MIGA2: variants seen among roughly 807,000 people sequenced by gnomAD.
MIGA2 encodes family with sequence similarity 73, member B.
MIGA2 carries 36 observed loss-of-function variants against 69.9 expected under a neutral mutation model. The observed-to-expected ratio is 0.52, with a 90% confidence interval of 0.39 to 0.68. MIGA2 has a LOEUF of 0.68. MIGA2 is among the 30% of genes least tolerant of loss of function. MIGA2 has a pLI of 0.00. For missense variants in MIGA2, 660 were observed against 787.7 expected (o/e 0.84, Z 1.94); for synonymous variants, 333 against 349.2 (o/e 0.95, Z 0.52).
Position 129,068,420 on chromosome 9 carries a change from G to A in MIGA2, c.1404+88G>A. The A allele has an allele frequency of 6.5e-7, 1 of 1,548,858 alleles. No homozygotes were observed. The highest frequency in any genetic ancestry group is 8.7e-7 in the Non-Finnish European group (1 of 1,148,182). On this transcript the variant is annotated intron_variant, in intron 13 of 15. Coordinates refer to ENST00000684074, the MANE Select transcript of MIGA2 (RefSeq NM_001329990.2). The surrounding 1 kb of genome is among the most constrained non-coding windows in gnomAD (Gnocchi z 4.1). ...TCCGTCCCCTCTGTCCCTAGCACTG[G>A]CACCAGGGCTGGGCCCCCACCCCCT...
intron 3 of MIGA2, among the ~76,000 whole-genome samples, chr9:129,043,395 T>TC (rs1845028685): frequency 2.7e-5 from 4 of 149,346 alleles, no homozygotes; most frequent in African/African-American, 9.8e-5. Flanking sequence ...TTTTTTTTTT[T>TC]TTTTTTTTTG....
intron 1 of MIGA2, chr9:129,036,963 C>T: frequency 2.0e-6 from 2 of 1,003,050 alleles, no homozygotes; most frequent in Non-Finnish European, 2.4e-6. Flanking sequence ...GGGAGAGCAC[C>T]CGGGATGGAA....
At chr9:129,045,894 G>A (rs369442827) in intron 3 of MIGA2, among the ~76,000 whole-genome samples, 12 of 147,884 alleles carry the variant, frequency 8.1e-5, no homozygotes, top group East Asian at 3.9e-4. Flanking sequence ...TTGCTCTGTC[G>A]CCAGGCTGGA....
chr9:129,049,232 G>T (rs1845391541), intron 4 of MIGA2, 149 bp from the exon 5 acceptor site: 6 of 698,190 alleles, frequency 8.6e-6, no homozygotes, highest in South Asian at 1.7e-5. Context: ...CATTCTGAGG[G>T]TGTGGACGCT....
At chr9:129,063,655 G>GGGGGGGGGGGGGCCCC in intron 11 of MIGA2, 24 bp downstream of exon 11, 1 of 645,736 alleles carries the variant, frequency 1.5e-6, no homozygotes, top group Non-Finnish European at 2.9e-6. Flanking sequence ...GGGTGGGGGG[G>GGGGGGGGGGGGGCCCC]CAAATTATAA....
intron 3 of MIGA2, among the ~76,000 whole-genome samples, chr9:129,044,505 A>G (rs950683176): frequency 2.6e-5 from 4 of 151,996 alleles, no homozygotes; most frequent in African/African-American, 9.7e-5. Context: ...TGTTTGCTGC[A>G]TTGAAGTGTT....
chr9:129,051,578 T>C (rs1845542936), intron 6 of MIGA2, among the ~76,000 whole-genome samples: 1 of 150,736 alleles, frequency 6.6e-6, no homozygotes, highest in South Asian at 2.1e-4. Flanking sequence ...GCCTGGCTTA[T>C]TTATTTATTT....
intron 5 of MIGA2, 97 bp downstream of exon 5, chr9:129,049,595 A>G: frequency 2.3e-6 from 3 of 1,325,986 alleles, no homozygotes; most frequent in Non-Finnish European, 3.2e-6. Flanking sequence ...TTTGCCCCTC[A>G]CTACCCTGCC....
rs574210826 is a variant in MIGA2, at chr9:129,068,041, C to T, written c.1270-157C>T. On this transcript the variant is annotated intron_variant, in intron 12 of 15. Coordinates refer to ENST00000684074, the MANE Select transcript of MIGA2 (RefSeq NM_001329990.2). This position sits in a 1 kb window ranked among gnomAD's most constrained non-coding sequence, Gnocchi z 4.1. ...CAGGCCAAGGCAGAGGGAGGAATGGCCTCAGCTACACCCGTTGCACAGCAG... is the reference window on the plus strand; with the variant it reads ...CAGGCCAAGGCAGAGGGAGGAATGGTCTCAGCTACACCCGTTGCACAGCAG... 1.6e-5 allele frequency: 21 copies of T among 1,275,398 alleles called. No homozygotes were observed. In the African/African-American group the frequency reaches 2.8e-4, roughly 17 times the overall value. 79.0% of individuals were successfully genotyped at this position (1,275,398 alleles called of 1,614,324 possible).
chr9:129,048,526 A>G lies in MIGA2; in HGVS notation c.407A>G (p.His136Arg), dbSNP rs2131355255. Residue 136 changes from histidine to arginine, a missense_variant, in exon 4 of 16, where the codon CAC (histidine) becomes CGC (arginine). By Grantham distance (29) the His-to-Arg change is conservative (BLOSUM62 0). This residue lies in a region of MIGA2 where 386 missense variants were observed against 402.0 expected (regional missense o/e 0.96). Coordinates refer to ENST00000684074, the MANE Select transcript of MIGA2 (RefSeq NM_001329990.2). Reference protein sequence around the residue: ...IEPSKHSGSSHSVASMMAVNS... With the variant: ...IEPSKHSGSSRSVASMMAVNS... ...CCCAGCAAGCACTCGGGCTCCTCCC[A>G]CAGTGTGGCCTCGGTGAGCAGCAGG... 6.2e-7 allele frequency: 1 copy of G among 1,613,884 alleles called. No homozygotes were observed. The highest frequency in any genetic ancestry group is 8.5e-7 in the Non-Finnish European group (1 of 1,179,820).
At position 129,070,563 on chromosome 9, in the gene MIGA2, C is replaced by A. The variant is rs571370643; in HGVS notation, c.*110C>A. The A allele has an allele frequency of 1.6e-6, 2 of 1,241,306 alleles. No individual in the cohort carries two copies. The highest frequency in any genetic ancestry group is 3.1e-5 in the South Asian group (2 of 63,978). The allele number at this position is 1,241,306 out of a possible 1,614,324, so 76.9% of individuals were successfully genotyped here. ...CCGTTGCCCCTGACTTTGCCCCACC[C>A]CCATCATCTGGGAGTCCCCAAGGCC... is the stretch of plus-strand genomic sequence containing the variant. On this transcript the variant is annotated 3_prime_UTR_variant, in exon 16 of 16. Transcript: ENST00000684074.
intron 1 of MIGA2, among the ~76,000 whole-genome samples, chr9:129,038,337 C>A (rs1844708597): frequency 6.6e-6 from 1 of 152,144 alleles, no homozygotes; most frequent in Non-Finnish European, 1.5e-5. Flanking sequence ...CTTTGGCGGC[C>A]ATCCCAGGGA....
chr9:129,050,990 C>T (rs774078244), intron 6 of MIGA2, among the ~76,000 whole-genome samples: 19 of 151,800 alleles, frequency 1.3e-4, no homozygotes, highest in Non-Finnish European at 1.8e-4. Flanking sequence ...TCTTCTGTCT[C>T]AGCCTCCCAA....
Position 129,059,923 on chromosome 9 carries a change from G to A in MIGA2, c.794-627G>A, listed in dbSNP as rs1845976150. Among the ~76,000 whole-genome samples, 2 of 152,134 alleles carry A rather than the reference G, an allele frequency of 1.3e-5. No individual in the cohort carries two copies. The highest frequency in any genetic ancestry group is 2.4e-5 in the African/African-American group (1 of 41,428). ...GCACCCTGCCCTGGCTTCTCCCCAC[G>A]TGCTCTGGGTGTGGTTTCTCTGTTG... On this transcript the variant is annotated intron_variant, in intron 7 of 15. Coordinates refer to ENST00000684074, the MANE Select transcript of MIGA2 (RefSeq NM_001329990.2). This position sits in a 1 kb window ranked among gnomAD's most constrained non-coding sequence, Gnocchi z 5.6.
intron 11 of MIGA2, 58 bp from the exon 12 acceptor site, chr9:129,067,715 C>T: frequency 6.7e-7 from 1 of 1,503,168 alleles, no homozygotes; most frequent in Non-Finnish European, 9.1e-7. Flanking sequence ...ATCCACAGGC[C>T]AGCCTGTCCC....
chr9:129,049,265 A>T, intron 4 of MIGA2, 116 bp from the exon 5 acceptor site: 1 of 934,736 alleles, frequency 1.1e-6, no homozygotes, highest in East Asian at 2.7e-5. Flanking sequence ...AAGCTCAGGG[A>T]TGGCATTTGG....
rs770674869 is a variant in MIGA2 at position 129,063,584 on chromosome 9, A to G, written c.1123A>G (p.Lys375Glu). The G allele has an allele frequency of 2.5e-6, 4 of 1,609,150 alleles. No individual in the cohort carries two copies. The highest frequency in any genetic ancestry group is 2.7e-5 in the African/African-American group (2 of 74,488). Reference sequence around the variant, plus strand: ...CAAGAGTAACCAGCTTTTCTTCGGGAAAGTGGGCCGACAGATGGTGACAGG... The same window carrying G: ...CAAGAGTAACCAGCTTTTCTTCGGGGAAGTGGGCCGACAGATGGTGACAGG... ...EDKSNQLFFGKVGRQMVTGLM... is the reference protein window; with the variant it reads ...EDKSNQLFFGEVGRQMVTGLM... Residue 375 changes from lysine (K) to glutamate (E), a missense_variant, in exon 11 of 16, where the codon AAA becomes GAA. By Grantham distance (56) the Lys-to-Glu change is moderately conservative (BLOSUM62 1). Transcript: ENST00000684074.
In MIGA2 at chr9:129,060,724, C is replaced by G; in HGVS notation, c.894+74C>G. 1 of 1,250,528 alleles carries G rather than the reference C, an allele frequency of 8.0e-7. No individual in the cohort carries two copies. Among genetic ancestry groups the G allele is most frequent in the South Asian group, 1.4e-5 (1 of 72,848 alleles). The allele number at this position is 1,250,528 out of a possible 1,614,324, so 77.5% of individuals were successfully genotyped here. A position where few individuals can be genotyped will look rare whatever the true frequency, so the allele number is the denominator to read the frequency against. On this transcript the variant is annotated intron_variant, in intron 8 of 15. Transcript: ENST00000684074. The surrounding 1 kb of genome is among the most constrained non-coding windows in gnomAD (Gnocchi z 4.8). ...CCTCTGCAGGTCCATGGGGCCAGCACTGGGTCATGGGAAAGTGGAGGCATT... is the reference window on the plus strand; with the variant it reads ...CCTCTGCAGGTCCATGGGGCCAGCAGTGGGTCATGGGAAAGTGGAGGCATT...
Position 129,045,441 on chromosome 9 carries a change from C to CAA in MIGA2, c.307+2952_307+2953dup, listed in dbSNP as rs766649271. The stretch of plus-strand genomic sequence containing the variant: ...TGGGCTATGGAGTAAGACTCTGTCT[C>CAA]AAAAAAAAAAAAAAAAAAAAAAAAA... On this transcript the variant is annotated intron_variant, in intron 3 of 15. Coordinates refer to ENST00000684074, the MANE Select transcript of MIGA2 (RefSeq NM_001329990.2). 2.7e-3 allele frequency among the ~76,000 whole-genome samples: 55 copies of CAA among 20,008 alleles called. 2 individuals are homozygous for CAA. Among genetic ancestry groups the CAA allele is most frequent in the African/African-American group, 7.3e-3 (44 of 6,028 alleles). The allele number at this position is 20,008 out of a possible 152,430, so 13.1% of individuals were successfully genotyped here. A position where few individuals can be genotyped will look rare whatever the true frequency, so the allele number is the denominator to read the frequency against.
Sources: gnomAD v4.1 joint callset for allele counts (sites outside exome capture counted in the v4.1 genomes callset) on GRCh38, gnomAD v4.1.1 for gene constraint, gnomAD v4.1.1 regional missense constraint, Gnocchi (gnomAD v3.1) non-coding constraint, MANE v1.5 for transcripts, NCBI Gene and HGNC (gene_info 2026-07-23, HGNC 2026-07-21) for gene names.